ANXA8: variants seen among roughly 807,000 people sequenced by gnomAD.
ANXA8 encodes the protein VAC-beta.
A neutral mutation model predicts 26.8 loss-of-function variants in ANXA8; 9 were observed. That is an observed-to-expected ratio of 0.34 (90% CI 0.20 to 0.59). The LOEUF (loss-of-function observed/expected upper bound fraction) is 0.59. ANXA8 is among the 20% of genes least tolerant of loss of function. The probability of loss-of-function intolerance (pLI) is 0.84; values close to 1 mark genes in which losing one functional copy is unlikely to be tolerated. For missense variants in ANXA8, 83 were observed against 238.5 expected, an observed-to-expected ratio of 0.35 and a Z score of 4.29; for synonymous variants, 39 against 94.8, an observed-to-expected ratio of 0.41 and a Z score of 3.42.
chr10:47,584,864 G>T, the ANXA8 span, among the ~76,000 whole-genome samples: 53 of 138,166 alleles, frequency 3.8e-4, 3 homozygotes, highest in African/African-American at 1.6e-3. Context: ...AAGGCGGGTG[G>T]ATCACCTGAG....
chr10:47,959,030 G>C, the ANXA8 span, among the ~76,000 whole-genome samples: 1 of 149,922 alleles, frequency 6.7e-6, no homozygotes, highest in Non-Finnish European at 1.5e-5. Flanking sequence ...GGTGAGGGCT[G>C]GGGGAGGGCC....
the ANXA8 span, among the ~76,000 whole-genome samples, chr10:47,670,628 T>G: frequency 3.2e-4 from 48 of 152,074 alleles, no homozygotes; most frequent in African/African-American, 1.1e-3. Flanking sequence ...ATTGAGCCTT[T>G]TTTCATGTGC....
the ANXA8 span, among the ~76,000 whole-genome samples, chr10:47,684,886 T>C: frequency 6.7e-6 from 1 of 149,320 alleles, no homozygotes; most frequent in Admixed American, 6.6e-5. Flanking sequence ...GCGCCCAGCC[T>C]GCGATTGTTT....
At chr10:47,497,176 C>T in the ANXA8 span, among the ~76,000 whole-genome samples, 2 of 141,014 alleles carry the variant, frequency 1.4e-5, no homozygotes, top group East Asian at 2.4e-4. Context: ...CAAAATTAGC[C>T]AGGCATGGTG....
the ANXA8 span, among the ~76,000 whole-genome samples, chr10:47,595,355 A>G: frequency 6.9e-6 from 1 of 145,932 alleles, no homozygotes; most frequent in South Asian, 2.1e-4. Context: ...TACGCAATTG[A>G]GACTGCAAAG....
the ANXA8 span, among the ~76,000 whole-genome samples, chr10:47,688,392 G>A: frequency 5.4e-5 from 8 of 149,506 alleles, no homozygotes; most frequent in Middle Eastern, 3.2e-3. Context: ...TGGGATTACC[G>A]GTGTGAGCCA....
chr10:47,778,106 A>G, the ANXA8 span, among the ~76,000 whole-genome samples: 3 of 151,698 alleles, frequency 2.0e-5, no homozygotes, highest in Admixed American at 2.0e-4. Flanking sequence ...TGGGGCAAGT[A>G]CAGGTTGGGT....
At chr10:47,748,675 G>C in the ANXA8 span, among the ~76,000 whole-genome samples, 10 of 151,638 alleles carry the variant, frequency 6.6e-5, no homozygotes, top group East Asian at 1.9e-4. Flanking sequence ...CTTTTGTAGA[G>C]GGGGGGGATC....
intron 6 of ANXA8, 42 bp from the exon 7 acceptor site, chr10:47,475,046 C>T: frequency 6.5e-7 from 1 of 1,530,768 alleles, no homozygotes; most frequent in Non-Finnish European, 8.9e-7. Context: ...GGCCAGCTGA[C>T]CAGAGCATTA....
the ANXA8 span, among the ~76,000 whole-genome samples, chr10:47,989,734 C>T: frequency 1.1e-5 from 1 of 94,740 alleles, no homozygotes; most frequent in Non-Finnish European, 2.6e-5. Context: ...GCTGCCACGC[C>T]TTGGCCTTCC....
the ANXA8 span, among the ~76,000 whole-genome samples, chr10:47,942,309 T>C: frequency 6.9e-6 from 1 of 145,468 alleles, no homozygotes; most frequent in South Asian, 2.2e-4. Context: ...CAAAACAAAA[T>C]GAAGGGGAAG....
At chr10:47,558,779 C>G in the ANXA8 span, among the ~76,000 whole-genome samples, 1 of 151,816 alleles carries the variant, frequency 6.6e-6, no homozygotes, top group Non-Finnish European at 1.5e-5. Flanking sequence ...CTGTTCTGTG[C>G]CCCTGTTTGA....
chr10:47,650,434 G>A, the ANXA8 span, among the ~76,000 whole-genome samples: 110 of 151,780 alleles, frequency 7.2e-4, 2 homozygotes, highest in African/African-American at 2.6e-3. Flanking sequence ...TGCAAATTGT[G>A]TATCTGTTAA....
chr10:47,494,912 T>C, the ANXA8 span, among the ~76,000 whole-genome samples: 10 of 152,262 alleles, frequency 6.6e-5, no homozygotes, highest in African/African-American at 2.4e-4. Context: ...AGCTGTTATC[T>C]CCCTGGGTCT....
At chr10:47,695,173 G>A in the ANXA8 span, among the ~76,000 whole-genome samples, 11 of 151,202 alleles carry the variant, frequency 7.3e-5, no homozygotes, top group Non-Finnish European at 1.3e-4. Flanking sequence ...GCTAGGCAGT[G>A]GGGAACCACT....
the ANXA8 span, among the ~76,000 whole-genome samples, chr10:47,699,203 C>T: frequency 2.0e-5 from 3 of 149,586 alleles, no homozygotes; most frequent in South Asian, 6.4e-4. Context: ...GAAAAATTAG[C>T]CAGGTGTGGT....
At chr10:47,587,325 CATTTT>C in the ANXA8 span, among the ~76,000 whole-genome samples, 1 of 148,878 alleles carries the variant, frequency 6.7e-6, no homozygotes, top group Non-Finnish European at 1.5e-5. Flanking sequence ...TAAACTAACT[CATTTT>C]ATAGATGTAA....
the ANXA8 span, among the ~76,000 whole-genome samples, chr10:47,556,154 T>C: frequency 1.3e-5 from 2 of 151,770 alleles, no homozygotes; most frequent in Non-Finnish European, 2.9e-5. Context: ...GAAGATCTGG[T>C]GTAAAATTAT....
the ANXA8 span, among the ~76,000 whole-genome samples, chr10:47,702,607 C>T: frequency 1.3e-5 from 2 of 151,696 alleles, no homozygotes; most frequent in African/African-American, 4.8e-5. Flanking sequence ...TCCCAAAGTG[C>T]TGAGATTGCA....
Sources: gnomAD v4.1 joint callset for allele counts (sites outside exome capture counted in the v4.1 genomes callset) on GRCh38, gnomAD v4.1.1 for gene constraint, MANE v1.5 for transcripts, NCBI Gene and HGNC (gene_info 2026-07-23, HGNC 2026-07-21) for gene names.